Variants in PCNX2 observed in about 807,000 individuals in gnomAD.
PCNX2 encodes the protein pecanex 2, also known as pecanex-like protein 2.
Under a neutral mutation model 223.8 loss-of-function variants are expected in PCNX2, and 168 were observed. The observed-to-expected ratio is 0.75, with a 90% confidence interval of 0.66 to 0.85. The LOEUF (loss-of-function observed/expected upper bound fraction) is 0.85, where lower values mean the gene tolerates loss of function less well. Among genes scored for constraint, PCNX2 ranks in the 40% least tolerant of loss-of-function variants. PCNX2 has a pLI of 0.00. For missense variants in PCNX2, 2,507 were observed against 2,675.5 expected (o/e 0.94, Z 1.39); for synonymous variants, 1,006 against 1,052.6 (o/e 0.96, Z 0.86).
Position 232,984,135 on chromosome 1 carries a change from T to TAAAAA in PCNX2, c.*168_*169insTTTTT. 8.3e-6 allele frequency: 1 copy of TAAAAA among 119,948 alleles called. No individual in the cohort carries two copies. The highest frequency in any genetic ancestry group is 1.7e-5 in the Non-Finnish European group (1 of 57,778). The allele number at this position is 119,948 out of a possible 1,614,324, so 7.4% of individuals were successfully genotyped here. A position where few individuals can be genotyped will look rare whatever the true frequency, so the allele number is the denominator to read the frequency against. Reference sequence around the variant, plus strand: ...TTTTTTTTTTTTTTTTTTTTTTTTTTCAAAAACCTGAGATCAGTTCTGTGT... The same window carrying TAAAAA: ...TTTTTTTTTTTTTTTTTTTTTTTTTTAAAAACAAAAACCTGAGATCAGTTCTGTGT... On this transcript the variant is annotated 3_prime_UTR_variant, in exon 34 of 34. Coordinates refer to ENST00000258229, the MANE Select transcript of PCNX2 (RefSeq NM_014801.4).
intron 23 of PCNX2, among the ~76,000 whole-genome samples, chr1:233,066,096 C>T (rs1266793365): frequency 1.3e-5 from 2 of 152,274 alleles, no homozygotes; most frequent in Middle Eastern, 3.4e-3. Context: ...GTAGGGGGTA[C>T]CCACTTAGGG....
intron 8 of PCNX2, among the ~76,000 whole-genome samples, chr1:233,249,767 T>A (rs925742037): frequency 6.6e-6 from 1 of 152,214 alleles, no homozygotes; most frequent in African/African-American, 2.4e-5. Flanking sequence ...CCTACCTGAA[T>A]GGCACTAGCA....
intron 1 of PCNX2, among the ~76,000 whole-genome samples, chr1:233,290,093 C>G (rs1485777343): frequency 1.3e-5 from 2 of 149,872 alleles, no homozygotes; most frequent in Admixed American, 6.7e-5. Context: ...AAATTCTACT[C>G]TCAAACCTGA....
chr1:233,141,694 T>C (rs1186267780), intron 19 of PCNX2, among the ~76,000 whole-genome samples: 1 of 123,130 alleles, frequency 8.1e-6, no homozygotes, highest in East Asian at 2.2e-4. Flanking sequence ...AAAATATATA[T>C]ATATGTGTGT....
chr1:233,045,874 C>G (rs1572043256), intron 25 of PCNX2, among the ~76,000 whole-genome samples: 1 of 152,364 alleles, frequency 6.6e-6, no homozygotes, highest in Non-Finnish European at 1.5e-5. Context: ...GACTCCTTCA[C>G]AGCTGTGGTG....
chr1:233,281,378 AG>A (rs1477497101), intron 1 of PCNX2, among the ~76,000 whole-genome samples: 2 of 152,224 alleles, frequency 1.3e-5, no homozygotes, highest in African/African-American at 4.8e-5. Flanking sequence ...ATCTGGGGAA[AG>A]AACTGAAACA....
At chr1:233,233,749 G>A (rs1658216161) in intron 9 of PCNX2, among the ~76,000 whole-genome samples, 2 of 151,886 alleles carry the variant, frequency 1.3e-5, no homozygotes, top group Admixed American at 1.3e-4. Context: ...GGAAGGAGGG[G>A]ATTAAAGTCT....
At chr1:233,076,606 T>C (rs1673108353) in intron 23 of PCNX2, among the ~76,000 whole-genome samples, 1 of 152,230 alleles carries the variant, frequency 6.6e-6, no homozygotes, top group Non-Finnish European at 1.5e-5. Flanking sequence ...TCCTTTGCTA[T>C]TTCCTTCACT....
At chr1:233,188,336 T>C (rs1359870372) in intron 15 of PCNX2, among the ~76,000 whole-genome samples, 2 of 152,200 alleles carry the variant, frequency 1.3e-5, no homozygotes, top group Non-Finnish European at 2.9e-5. Context: ...GCCTTTGCTC[T>C]GGGTCTTTGC....
intron 1 of PCNX2, among the ~76,000 whole-genome samples, chr1:233,279,410 T>C (rs1261754699): frequency 6.6e-6 from 1 of 151,508 alleles, no homozygotes; most frequent in African/African-American, 2.4e-5. Flanking sequence ...TGTGTGTGTG[T>C]GTGTGTGTGT....
At chr1:233,222,644 T>C (rs765091795) in intron 10 of PCNX2, among the ~76,000 whole-genome samples, 1 of 152,170 alleles carries the variant, frequency 6.6e-6, no homozygotes, top group African/African-American at 2.4e-5. Flanking sequence ...GGTGGTCACA[T>C]TGACACTGGA....
chr1:233,033,210 AC>A, intron 25 of PCNX2: 1 of 985,244 alleles, frequency 1.0e-6, no homozygotes, highest in Non-Finnish European at 1.2e-6. Flanking sequence ...TGTCACACCT[AC>A]CAATGCCAAG....
rs574479150 is a variant in PCNX2 at position 233,043,152 on chromosome 1, G to A, written c.4351+11116C>T. 6.6e-5 allele frequency among the ~76,000 whole-genome samples: 10 copies of A among 152,282 alleles called. No homozygotes were observed. The South Asian group carries it at 2.1e-3, about 32-fold the overall frequency. On this transcript the variant is annotated intron_variant, in intron 25 of 33. Transcript: ENST00000258229. ...GCCTGGCTCCTGCTGTTGGCAGCATGGTGATTCCTCATTCATTTTTCTCCT... is the reference window on the plus strand; with the variant it reads ...GCCTGGCTCCTGCTGTTGGCAGCATAGTGATTCCTCATTCATTTTTCTCCT...
At chr1:233,297,099 C>T (rs1183707477), upstream of PCNX2, among the ~76,000 whole-genome samples, 1 of 152,186 alleles carries the variant, frequency 6.6e-6, no homozygotes, top group Non-Finnish European at 1.5e-5. Context: ...GCTCAAAATG[C>T]TTGTAACCTA....
At chr1:233,216,197 G>C (rs1301254457) in intron 12 of PCNX2, among the ~76,000 whole-genome samples, 1 of 152,138 alleles carries the variant, frequency 6.6e-6, no homozygotes, top group Admixed American at 6.5e-5. Context: ...GAGGCATGTG[G>C]CTCAGATGCC....
chr1:233,232,008 G>A (rs1014253276), intron 9 of PCNX2, among the ~76,000 whole-genome samples: 5 of 152,172 alleles, frequency 3.3e-5, no homozygotes, highest in African/African-American at 1.2e-4. Flanking sequence ...ACCTAGCCCA[G>A]TGCCATGCAC....
At chr1:233,133,591 C>T (rs183457653) in intron 21 of PCNX2, among the ~76,000 whole-genome samples, 4 of 152,304 alleles carry the variant, frequency 2.6e-5, no homozygotes, top group Non-Finnish European at 5.9e-5. Context: ...TGCAGTGGCT[C>T]ATGCTTGTAA....
In PCNX2 at chr1:232,998,276, T is replaced by G. The variant is rs749326301; in HGVS notation, c.5766A>C (p.Ser1922=). Residue 1922 remains serine (S), a synonymous_variant, in exon 32 of 34, where the codon TCA becomes TCC. Coordinates refer to ENST00000258229, the MANE Select transcript of PCNX2 (RefSeq NM_014801.4). ...CTGTTCTCTGTGTCCCTTCACAGGATGACACCCCGTGCTGAGCACCGCCTT... is the reference window on the plus strand; with the variant it reads ...CTGTTCTCTGTGTCCCTTCACAGGAGGACACCCCGTGCTGAGCACCGCCTT... ...PRKGGAQHGV[S]SCEGTQRTGR... 1 of 1,594,178 alleles carries G rather than the reference T, an allele frequency of 6.3e-7. No individual in the cohort carries two copies. The highest frequency in any genetic ancestry group is 8.5e-7 in the Non-Finnish European group (1 of 1,170,050).
At chr1:233,232,744 G>C in intron 9 of PCNX2, 2 of 912,830 alleles carry the variant, frequency 2.2e-6, no homozygotes, top group Non-Finnish European at 2.6e-6. Context: ...TGATGTAAAT[G>C]CTACCTTTAT....
Sources: gnomAD v4.1 joint callset for allele counts (sites outside exome capture counted in the v4.1 genomes callset) on GRCh38, gnomAD v4.1.1 for gene constraint, MANE v1.5 for transcripts, NCBI Gene and HGNC (gene_info 2026-07-23, HGNC 2026-07-21) for gene names.